EIF3D: variants seen among roughly 807,000 people sequenced by gnomAD.
EIF3D encodes the protein eukaryotic translation initiation factor 3 subunit D.
EIF3D carries 10 observed loss-of-function variants against 75.4 expected under a neutral mutation model. That is an observed-to-expected ratio of 0.13 (90% CI 0.08 to 0.22). The LOEUF is 0.22. Ranked by LOEUF, EIF3D falls within the 10% of genes least tolerant of loss-of-function variation. The probability of loss-of-function intolerance (pLI) is 1.00; values close to 1 mark genes in which losing one functional copy is unlikely to be tolerated. For missense variants in EIF3D, 394 were observed against 708.0 expected, an observed-to-expected ratio of 0.56 and a Z score of 5.03; for synonymous variants, 246 against 248.3, an observed-to-expected ratio of 0.99 and a Z score of 0.09.
Position 36,516,458 on chromosome 22 carries a change from T to C in EIF3D, c.1206+20A>G. ...TAGAGACATGGTGTCACCAGGAGGG[T>C]GATGGAGATGGCGGCTCACCCTGGA... On this transcript the variant is annotated intron_variant, in intron 12 of 14. Coordinates refer to ENST00000216190, the MANE Select transcript of EIF3D (RefSeq NM_003753.4). The C allele has an allele frequency of 1.2e-6, 2 of 1,610,332 alleles. No homozygotes were observed. The highest frequency in any genetic ancestry group is 1.3e-5 in the African/African-American group (1 of 74,798).
intron 12 of EIF3D, 105 bp from the exon 13 acceptor site, chr22:36,512,707 G>T: frequency 2.2e-6 from 3 of 1,360,708 alleles, no homozygotes; most frequent in East Asian, 2.4e-5. Context: ...TGCTTAGAAA[G>T]TGGGTAGGTA....
chr22:36,512,048 G>A (rs1025438933), intron 13 of EIF3D, among the ~76,000 whole-genome samples: 2 of 151,980 alleles, frequency 1.3e-5, no homozygotes, highest in Non-Finnish European at 2.9e-5. Flanking sequence ...CCGCCACTAC[G>A]CCCGGCTAAT....
intron 3 of EIF3D, among the ~76,000 whole-genome samples, chr22:36,525,242 T>A (rs1379806448): frequency 7.4e-6 from 1 of 135,954 alleles, no homozygotes; most frequent in African/African-American, 2.7e-5. Context: ...GGTTTTACTT[T>A]TTTTTTTTTT....
At chr22:36,513,181 C>T (rs1316804988) in intron 12 of EIF3D, among the ~76,000 whole-genome samples, 3 of 152,108 alleles carry the variant, frequency 2.0e-5, no homozygotes, top group Admixed American at 6.5e-5. Flanking sequence ...CATTTGTAGA[C>T]GTGGGAAGTT....
At chr22:36,515,724 G>C (rs1330610478) in intron 12 of EIF3D, among the ~76,000 whole-genome samples, 1 of 152,122 alleles carries the variant, frequency 6.6e-6, no homozygotes, top group Non-Finnish European at 1.5e-5. Context: ...ACATGCAAAC[G>C]GAACAGGGAA....
intron 7 of EIF3D, 64 bp from the exon 8 acceptor site, chr22:36,519,601 G>T: frequency 6.2e-7 from 1 of 1,602,848 alleles, no homozygotes; most frequent in South Asian, 1.1e-5. Context: ...TTTCTTTTAA[G>T]CCATACATCC....
At chr22:36,525,960 C>G (rs1025167195) in intron 2 of EIF3D, 39 bp downstream of exon 2, 10 of 1,571,556 alleles carry the variant, frequency 6.4e-6, no homozygotes, top group Non-Finnish European at 8.6e-6. Context: ...GTAGCAGCCA[C>G]AGCTGCAAAG....
rs138516680 is a variant in EIF3D, at chr22:36,516,411, C to T, written c.1206+67G>A. The T allele has an allele frequency of 3.1e-4, 486 of 1,555,550 alleles. 3 individuals are homozygous for T. The African/African-American group carries it at 5.1e-3, about 16-fold the overall frequency. On this transcript the variant is annotated intron_variant, in intron 12 of 14. Transcript: ENST00000216190. ...GAAACAGTTTATACAACCTAGCCTGCGTAAACAGGCACTGTAGGGAATAGA... is the reference window on the plus strand; with the variant it reads ...GAAACAGTTTATACAACCTAGCCTGTGTAAACAGGCACTGTAGGGAATAGA...
chr22:36,511,908 TGAGACG>T lies in EIF3D; in HGVS notation c.1350-128_1350-123del. ...TGCTATTTTTTCTTTTTTTTTTTTT[TGAGACG>T]GAGTCTGGCTCTGTTGCCCAGGCTG... On this transcript the variant is annotated intron_variant, in intron 13 of 14. Coordinates refer to ENST00000216190, the MANE Select transcript of EIF3D (RefSeq NM_003753.4). 5 of 1,404,218 alleles carry T rather than the reference TGAGACG, an allele frequency of 3.6e-6. No homozygotes were observed. In the African/African-American group the frequency reaches 7.3e-5, roughly 21 times the overall value. The allele number at this position is 1,404,218 out of a possible 1,614,324, so 87.0% of individuals were successfully genotyped here. A position where few individuals can be genotyped will look rare whatever the true frequency, so the allele number is the denominator to read the frequency against.
In EIF3D at chr22:36,516,482, G is replaced by T; in HGVS notation, c.1202C>A (p.Ser401Tyr). 6.2e-7 allele frequency: 1 copy of T among 1,613,748 alleles called. No individual in the cohort carries two copies. The highest frequency in any genetic ancestry group is 8.5e-7 in the Non-Finnish European group (1 of 1,179,720). The stretch of plus-strand genomic sequence containing the variant: ...GTGATGGAGATGGCGGCTCACCCTG[G>T]AATCCCACTCATTGAGTGTCTTGAT... Reference protein sequence around the residue: ...INIKTLNEWDSRHCNGVDWRQ... With the variant: ...INIKTLNEWDYRHCNGVDWRQ... The change falls in exon 12 of 15, where the codon TCC becomes TAC. Residue 401 changes from serine (S) to tyrosine (Y), a missense_variant. Ser to Tyr is a moderately radical substitution (Grantham distance 144). Coordinates refer to ENST00000216190, the MANE Select transcript of EIF3D (RefSeq NM_003753.4).
intron 5 of EIF3D, 114 bp downstream of exon 5, chr22:36,523,781 T>G: frequency 2.0e-6 from 2 of 995,698 alleles, no homozygotes; most frequent in Non-Finnish European, 1.6e-6. Flanking sequence ...GTAGAAAGTA[T>G]TTTCCTTTTT....
At chr22:36,523,700 T>TA (rs140513481) in intron 5 of EIF3D, among the ~76,000 whole-genome samples, 195 bp downstream of exon 5, 3,475 of 152,298 alleles carry the variant, frequency 0.023, 69 homozygotes, top group Non-Finnish European at 0.037. Flanking sequence ...CACAAGGAGT[T>TA]AGTTTCCTGC....
chr22:36,511,538 T>C lies in EIF3D; in HGVS notation c.1598A>G (p.Glu533Gly), dbSNP rs755147108. ...CTCTTCTTCCTCCTCCTCTTCCTCC[T>C]CATCTTCATCAGAGCTGAAGGTGCC... ...PDGTFSSDED[E>G]EEEEEEEEEE... The change falls in exon 14 of 15, where the codon GAG becomes GGG. Residue 533 changes from glutamate (E) to glycine (G), a missense_variant. Physicochemically the swap from Glu to Gly is moderately conservative, Grantham distance 98. Coordinates refer to ENST00000216190, the MANE Select transcript of EIF3D (RefSeq NM_003753.4). 48 of 1,613,786 alleles carry C rather than the reference T, an allele frequency of 3.0e-5. No individual in the cohort carries two copies. Among genetic ancestry groups the C allele is most frequent in the Non-Finnish European group, 3.8e-5 (45 of 1,179,872 alleles).
chr22:36,517,476 C>G (rs751942892), intron 9 of EIF3D, 45 bp from the exon 10 acceptor site: 4 of 1,582,604 alleles, frequency 2.5e-6, no homozygotes, highest in Non-Finnish European at 3.4e-6. Context: ...CAAAGAGTCA[C>G]TGACAATGTG....
Position 36,512,457 on chromosome 22 carries a change from C to T in EIF3D, c.1349+3G>A. On this transcript the variant is annotated splice_donor_region_variant and intron_variant, in intron 13 of 14. Transcript: ENST00000216190. ...GCTGCCAGCTCCTGCACAGGAATCT[C>T]ACCCAAGCTTGAGGTACTCAGATCC... The T allele has an allele frequency of 6.2e-7, 1 of 1,614,086 alleles. No homozygotes were observed. The highest frequency in any genetic ancestry group is 1.1e-5 in the South Asian group (1 of 91,070).
At position 36,519,609 on chromosome 22, in the gene EIF3D, T is replaced by C. The variant is rs779879104; in HGVS notation, c.579-72A>G. On this transcript the variant is annotated intron_variant, in intron 7 of 14. Transcript: ENST00000216190. ...CCAGTTTTTTCTTTTAAGCCATACATCCAGAAGTCTTATCCAAAAGTCTAA... is the reference window on the plus strand; with the variant it reads ...CCAGTTTTTTCTTTTAAGCCATACACCCAGAAGTCTTATCCAAAAGTCTAA... The C allele has an allele frequency of 8.8e-5, 140 of 1,592,040 alleles. No homozygotes were observed. In the Middle Eastern group the frequency reaches 1.0e-3, roughly 11 times the overall value.
chr22:36,524,046 G>A (rs1438557993), intron 4 of EIF3D, 66 bp from the exon 5 acceptor site: 2 of 1,512,774 alleles, frequency 1.3e-6, no homozygotes, highest in East Asian at 2.3e-5. Flanking sequence ...GGCAGAACAA[G>A]TGGGAGGTCT....
In EIF3D at chr22:36,524,683, A is replaced by G. The variant is rs936310517; in HGVS notation, c.219T>C (p.His73=). ...GCTGGAAGCTACTTTCATCCTCCTCATGGAAATAAGCATATTGACTTCCAC... is the reference window on the plus strand; with the variant it reads ...GCTGGAAGCTACTTTCATCCTCCTCGTGGAAATAAGCATATTGACTTCCAC... ...FGGGSQYAYF[H]EEDESSFQLV... Residue 73 remains histidine (H), a synonymous_variant, in exon 4 of 15, where the codon CAT becomes CAC. Transcript: ENST00000216190. 1.9e-6 allele frequency: 3 copies of G among 1,614,156 alleles called. No individual in the cohort carries two copies. Among genetic ancestry groups the G allele is most frequent in the Middle Eastern group, 1.6e-4 (1 of 6,062 alleles).
intron 8 of EIF3D, 113 bp from the exon 9 acceptor site, chr22:36,519,023 C>A: frequency 1.4e-6 from 2 of 1,393,720 alleles, no homozygotes; most frequent in Non-Finnish European, 1.9e-6. Flanking sequence ...AATAAGGAGG[C>A]CCCACCTCAT....
Sources: gnomAD v4.1 joint callset for allele counts (sites outside exome capture counted in the v4.1 genomes callset) on GRCh38, gnomAD v4.1.1 for gene constraint, MANE v1.5 for transcripts, NCBI Gene and HGNC (gene_info 2026-07-23, HGNC 2026-07-21) for gene names.